GPCPD1: variants seen among roughly 807,000 people sequenced by gnomAD.
GPCPD1 encodes the protein glycerophosphocholine phosphodiesterase GPCPD1.
GPCPD1 carries 29 observed loss-of-function variants against 89.2 expected under a neutral mutation model. The ratio of observed to expected loss-of-function variants is 0.33; its 90% CI spans 0.24 to 0.44. GPCPD1 has a LOEUF of 0.44. Among genes scored for constraint, GPCPD1 ranks in the 20% least tolerant of loss-of-function variants. The pLI is 1.00. For synonymous variants in GPCPD1, 258 were observed against 266.3 expected, an observed-to-expected ratio of 0.97 and a Z score of 0.30; for missense variants, 594 against 808.9, an observed-to-expected ratio of 0.73 and a Z score of 3.22.
chr20:5,574,057 G>T, intron 10 of GPCPD1, 88 bp from the exon 11 acceptor site: 1 of 800,872 alleles, frequency 1.2e-6, no homozygotes. Flanking sequence ...TTCAACAATG[G>T]GAAATGGTAC....
intron 1 of GPCPD1, 23 bp from the exon 2 acceptor site, chr20:5,604,463 CTT>C (rs765338079): frequency 4.4e-6 from 5 of 1,134,118 alleles, no homozygotes; most frequent in Non-Finnish European, 6.6e-6. Context: ...AGAAAAGTAA[CTT>C]ATAGTATAAA....
intron 7 of GPCPD1, 81 bp downstream of exon 7, chr20:5,579,927 A>C: frequency 1.2e-6 from 1 of 847,938 alleles, no homozygotes. Flanking sequence ...CTGTACACTT[A>C]AAGGCTAAAA....
At position 5,547,667 on chromosome 20, in the gene GPCPD1, A is replaced by C; in HGVS notation, c.2013T>G (p.Asn671Lys). ...VDANGIDNVE[N>K]A is the part of the protein sequence containing the mutation. ...GACCTCTGTGCAATAAAAACTAAGC[A>C]TTCTCCACGTTATCAATGCCGTTGG... The change falls in exon 20 of 20, where the codon AAT becomes AAG. Residue 671 changes from asparagine (N) to lysine (K), a missense_variant. Physicochemically the swap from Asn to Lys is moderately conservative, Grantham distance 94. Transcript: ENST00000379019. The C allele has an allele frequency of 1.9e-6, 3 of 1,583,838 alleles. No homozygotes were observed. The highest frequency in any genetic ancestry group is 2.6e-6 in the Non-Finnish European group (3 of 1,155,150).
intron 7 of GPCPD1, 22 bp downstream of exon 7, chr20:5,579,986 T>C: frequency 6.8e-7 from 1 of 1,477,174 alleles, no homozygotes; most frequent in East Asian, 2.3e-5. Flanking sequence ...ATAGCCTAAG[T>C]AACACATAAA....
At chr20:5,555,518 G>A (rs1326690860) in intron 19 of GPCPD1, among the ~76,000 whole-genome samples, 9 of 151,492 alleles carry the variant, frequency 5.9e-5, no homozygotes, top group Non-Finnish European at 1.2e-4. Flanking sequence ...CAGCCTGGGC[G>A]ACAGAGCGAG....
chr20:5,596,727 GAC>G (rs1260063929), intron 3 of GPCPD1, among the ~76,000 whole-genome samples: 1 of 152,174 alleles, frequency 6.6e-6, no homozygotes, highest in Non-Finnish European at 1.5e-5. Context: ...CTCCCTGAAA[GAC>G]AGGGGCACAG....
At chr20:5,604,197 G>A (rs2273375) in intron 2 of GPCPD1, among the ~76,000 whole-genome samples, 167 bp downstream of exon 2, 14,196 of 152,146 alleles carry the variant, frequency 0.093, 1,098 homozygotes, top group African/African-American at 0.21. Context: ...GAGGTTTTTG[G>A]TGTGTTTACT....
chr20:5,572,569 C>T (rs1375889565), intron 11 of GPCPD1, among the ~76,000 whole-genome samples: 1 of 152,142 alleles, frequency 6.6e-6, no homozygotes, highest in Non-Finnish European at 1.5e-5. Context: ...ACCAAGTTTA[C>T]TTCCCGAACT....
At chr20:5,586,340 G>T in intron 4 of GPCPD1, 71 bp from the exon 5 acceptor site, 1 of 813,766 alleles carries the variant, frequency 1.2e-6, no homozygotes, top group Non-Finnish European at 2.1e-6. Flanking sequence ...TCCATTAGAT[G>T]TTTGTGGCCT....
chr20:5,594,366 T>G (rs1257074387), intron 3 of GPCPD1, among the ~76,000 whole-genome samples: 1 of 151,690 alleles, frequency 6.6e-6, no homozygotes, highest in African/African-American at 2.4e-5. Context: ...CTCAGCTCAC[T>G]GCAAGCTCCG....
chr20:5,610,690 C>T (rs1231379832), intron 1 of GPCPD1, among the ~76,000 whole-genome samples, 152 bp downstream of exon 1: 1 of 151,282 alleles, frequency 6.6e-6, no homozygotes, highest in Non-Finnish European at 1.5e-5. Context: ...GCCGCCGTTC[C>T]CCTGCGGGCA....
Position 5,573,933 on chromosome 20 carries a change from T to A in GPCPD1, c.1038A>T (p.Leu346Phe). ...AKVQENTIASLRNAASHGAAF... is the reference protein window; with the variant it reads ...AKVQENTIASFRNAASHGAAF... ...TACTTACATGACTAGCAGCATTTCT[T>A]AAAGAAGCAATAGTATTTTCTTGAA... Residue 346 changes from leucine to phenylalanine, a missense_variant, in exon 11 of 20, where the codon TTA (leucine) becomes TTT (phenylalanine). Leu to Phe is a conservative substitution (Grantham distance 22). Transcript: ENST00000379019. The A allele has an allele frequency of 6.6e-7, 1 of 1,525,340 alleles. No individual in the cohort carries two copies. The allele number at this position is 1,525,340 out of a possible 1,614,324, so 94.5% of individuals were successfully genotyped here. A position where few individuals can be genotyped will look rare whatever the true frequency, so the allele number is the denominator to read the frequency against.
intron 7 of GPCPD1, 97 bp downstream of exon 7, chr20:5,579,911 C>T: frequency 1.4e-6 from 1 of 723,476 alleles, no homozygotes; most frequent in South Asian, 1.9e-5. Context: ...GTAACATTAT[C>T]CCAAACTGTA....
intron 19 of GPCPD1, among the ~76,000 whole-genome samples, chr20:5,549,858 A>G (rs1985274466): frequency 1.3e-5 from 2 of 152,128 alleles, no homozygotes; most frequent in Admixed American, 6.6e-5. Context: ...AGAGAAAAAA[A>G]GATAGTTCTT....
chr20:5,586,715 T>C (rs748923384), intron 4 of GPCPD1, among the ~76,000 whole-genome samples: 15 of 152,128 alleles, frequency 9.9e-5, no homozygotes, highest in South Asian at 6.2e-4. Flanking sequence ...ATAGTAAAAA[T>C]AGTAGGAACA....
intron 1 of GPCPD1, among the ~76,000 whole-genome samples, chr20:5,608,654 G>A (rs1980756432): frequency 6.6e-6 from 1 of 152,102 alleles, no homozygotes; most frequent in Non-Finnish European, 1.5e-5. Flanking sequence ...GAAAGGGAAG[G>A]TCAGTTCTGG....
At chr20:5,579,691 G>A (rs904095770) in intron 7 of GPCPD1, among the ~76,000 whole-genome samples, 9 of 152,192 alleles carry the variant, frequency 5.9e-5, no homozygotes, top group Admixed American at 1.3e-4. Context: ...CAACACGCCC[G>A]ACACATTATA....
At chr20:5,595,418 G>A (rs1038075422) in intron 3 of GPCPD1, among the ~76,000 whole-genome samples, 5 of 152,054 alleles carry the variant, frequency 3.3e-5, no homozygotes, top group Admixed American at 1.3e-4. Context: ...TGAGGTGGGC[G>A]GATCATGAGG....
chr20:5,607,312 G>T (rs238297), intron 1 of GPCPD1, among the ~76,000 whole-genome samples: 5,859 of 151,410 alleles, frequency 0.039, 155 homozygotes, highest in Non-Finnish European at 0.062. Context: ...AAGAAAAAAG[G>T]CCGGGCATGG....
Sources: gnomAD v4.1 joint callset for allele counts (sites outside exome capture counted in the v4.1 genomes callset) on GRCh38, gnomAD v4.1.1 for gene constraint, MANE v1.5 for transcripts, NCBI Gene and HGNC (gene_info 2026-07-23, HGNC 2026-07-21) for gene names.